The following ITIH4 variants were observed in gnomAD, a reference collection of about 807,000 sequenced individuals.
ITIH4 encodes the protein inter-alpha-trypsin inhibitor heavy chain H4.
ITIH4 carries 79 observed loss-of-function variants against 111.8 expected under a neutral mutation model. That is an observed-to-expected ratio of 0.71 (90% CI 0.59 to 0.85). ITIH4 has a LOEUF of 0.85. ITIH4 is among the 40% of genes least tolerant of loss of function. The pLI, the probability that ITIH4 is intolerant of heterozygous loss-of-function variation, is 0.00. For synonymous variants in ITIH4, 472 were observed against 468.3 expected (o/e 1.01, Z -0.10); for missense variants, 1,065 against 1,195.8 (o/e 0.89, Z 1.61).
intron 20 of ITIH4, 127 bp from the exon 21 acceptor site, chr3:52,817,185 G>A (rs1016233338): frequency 3.1e-5 from 22 of 715,860 alleles, no homozygotes; most frequent in Middle Eastern, 3.7e-4. Flanking sequence ...ATCAGGAGGG[G>A]TGCCCCTTTC....
Position 52,824,521 on chromosome 3 carries a change from T to C in ITIH4, c.921A>G (p.Arg307=). The change falls in exon 8 of 24, where the codon AGA becomes AGG. Residue 307 remains arginine (R), a synonymous_variant. Transcript: ENST00000266041. This position sits in a 1 kb window ranked among gnomAD's most constrained non-coding sequence, Gnocchi z 4.3. ...LIKILDDLSP[R]DQFNLIVFST... Reference sequence around the variant, plus strand: ...TGAAGACGATGAGGTTGAACTGGTCTCTGGGGCTGAGGTCATCCAGGATCT... The same window carrying C: ...TGAAGACGATGAGGTTGAACTGGTCCCTGGGGCTGAGGTCATCCAGGATCT... 3 of 1,614,052 alleles carry C rather than the reference T, an allele frequency of 1.9e-6. No individual in the cohort carries two copies. The highest frequency in any genetic ancestry group is 2.5e-6 in the Non-Finnish European group (3 of 1,180,024).
At chr3:52,827,987 GCGT>G (rs2154111713) in intron 2 of ITIH4, among the ~76,000 whole-genome samples, 1 of 152,184 alleles carries the variant, frequency 6.6e-6, no homozygotes, top group South Asian at 2.1e-4. Context: ...TCAGGACTAC[GCGT>G]CCCTCCTGCC....
rs1173699304 is a variant in ITIH4, at chr3:52,823,761, A to T, written c.1354-20T>A. The T allele has an allele frequency of 1.9e-6, 3 of 1,614,036 alleles. No homozygotes were observed. Among genetic ancestry groups the T allele is most frequent in the Non-Finnish European group, 2.5e-6 (3 of 1,179,944 alleles). ...GAAGTCCTGCAGGGTTGGGGGTGTC[A>T]TAAAGGCTGGGCTTTATGACTGCCC... On this transcript the variant is annotated intron_variant, in intron 10 of 23. Coordinates refer to ENST00000266041, the MANE Select transcript of ITIH4 (RefSeq NM_002218.5).
rs200406745 is a variant in ITIH4 at position 52,824,173 on chromosome 3, A to T, written c.1171+17T>A. The T allele has an allele frequency of 2.0e-4, 324 of 1,612,448 alleles. No individual in the cohort carries two copies. The highest frequency in any genetic ancestry group is 2.6e-4 in the Non-Finnish European group (310 of 1,179,454). ...CCCCTGTGCAGCACGTCCTGGAGTC[A>T]CGGGCAGGGCCCTCACCCACAGTGG... On this transcript the variant is annotated intron_variant, in intron 9 of 23. Transcript: ENST00000266041. This position sits in a 1 kb window ranked among gnomAD's most constrained non-coding sequence, Gnocchi z 4.3.
At position 52,830,537 on chromosome 3, in the gene ITIH4, C is replaced by A; in HGVS notation, c.90+16G>T. On this transcript the variant is annotated intron_variant, in intron 1 of 23. Transcript: ENST00000266041. Reference sequence around the variant, plus strand: ...CTCATCCCCCAGCTCACGCCACACCCATGGACACTGGCTACCTTTTCGGCA... The same window carrying A: ...CTCATCCCCCAGCTCACGCCACACCAATGGACACTGGCTACCTTTTCGGCA... 6.2e-7 allele frequency: 1 copy of A among 1,612,276 alleles called. No homozygotes were observed. Among genetic ancestry groups the A allele is most frequent in the South Asian group, 1.1e-5 (1 of 91,052 alleles).
intron 5 of ITIH4, 91 bp downstream of exon 5, chr3:52,826,450 G>A: frequency 1.1e-6 from 1 of 922,752 alleles, no homozygotes; most frequent in Non-Finnish European, 1.8e-6. Flanking sequence ...AGGAGGGAGA[G>A]CCCATCCTGC....
At chr3:52,820,885 C>G (rs556446616) in intron 12 of ITIH4, 100 bp from the exon 13 acceptor site, 88 of 1,548,698 alleles carry the variant, frequency 5.7e-5, no homozygotes, top group Non-Finnish European at 7.1e-5. Context: ...GAATCTGGAG[C>G]TTGGACATGA....
chr3:52,815,147 C>T (rs1408585040), intron 21 of ITIH4, among the ~76,000 whole-genome samples: 1 of 152,172 alleles, frequency 6.6e-6, no homozygotes, highest in African/African-American at 2.4e-5. Flanking sequence ...GAATAAGACC[C>T]TGCTGTTACT....
chr3:52,828,358 T>TG (rs1262519047), intron 2 of ITIH4, among the ~76,000 whole-genome samples: 2 of 151,668 alleles, frequency 1.3e-5, no homozygotes, highest in Non-Finnish European at 2.9e-5. Context: ...TGCGGTGGAG[T>TG]GGGGGATGCT....
At chr3:52,822,788 C>G (rs1447719295) in intron 11 of ITIH4, among the ~76,000 whole-genome samples, 1 of 152,188 alleles carries the variant, frequency 6.6e-6, no homozygotes, top group Non-Finnish European at 1.5e-5. Context: ...ACACGCTGCC[C>G]TCATGCCACA....
At chr3:52,821,973 C>T (rs1700389270) in intron 11 of ITIH4, among the ~76,000 whole-genome samples, 1 of 152,234 alleles carries the variant, frequency 6.6e-6, no homozygotes, top group African/African-American at 2.4e-5. Flanking sequence ...TCCACACATA[C>T]AGCTATTTAA....
intron 21 of ITIH4, among the ~76,000 whole-genome samples, chr3:52,816,616 C>T (rs1700281019): frequency 6.6e-6 from 1 of 152,110 alleles, no homozygotes; most frequent in Admixed American, 6.5e-5. Context: ...AGCTGCCTGC[C>T]CAGGGTCACA....
At chr3:52,829,025 T>C (rs1384449848) in intron 2 of ITIH4, 94 bp downstream of exon 2, 2 of 1,181,500 alleles carry the variant, frequency 1.7e-6, no homozygotes, top group African/African-American at 1.5e-5. Context: ...CACCCTGGCA[T>C]GCCTTACTTC....
At chr3:52,828,508 T>C (rs1365071166) in intron 2 of ITIH4, among the ~76,000 whole-genome samples, 1 of 152,196 alleles carries the variant, frequency 6.6e-6, no homozygotes, top group Admixed American at 6.5e-5. Flanking sequence ...AATCACAGCT[T>C]TTCCTGGCAG....
At position 52,814,004 on chromosome 3, in the gene ITIH4, C is replaced by T. The variant is rs1456975307; in HGVS notation, c.2694G>A (p.Arg898=). The change falls in exon 23 of 24, where the codon AGG becomes AGA. Residue 898 remains arginine (R), a synonymous_variant. Coordinates refer to ENST00000266041, the MANE Select transcript of ITIH4 (RefSeq NM_002218.5). The part of the protein sequence containing the change: ...AASDDGRRTL[R]VQGNDHSATR... ...TGGCAGAGTGGTCATTGCCCTGAACCCTCAGCGTGCGTCTGCCGTCATCTG... is the reference window on the plus strand; with the variant it reads ...TGGCAGAGTGGTCATTGCCCTGAACTCTCAGCGTGCGTCTGCCGTCATCTG... 13 of 1,613,566 alleles carry T rather than the reference C, an allele frequency of 8.1e-6. No homozygotes were observed. The highest frequency in any genetic ancestry group is 1.1e-5 in the Non-Finnish European group (13 of 1,179,908).
chr3:52,817,210 C>T (rs1474184031), intron 20 of ITIH4, 152 bp from the exon 21 acceptor site: 3 of 621,006 alleles, frequency 4.8e-6, no homozygotes, highest in Non-Finnish European at 2.8e-6. Context: ...CACTCCTTCA[C>T]ACTGGGGGCT....
chr3:52,826,596 GTGCTCT>G lies in ITIH4; in HGVS notation c.569_574del (p.Glu190_Thr192delinsAla). 6.2e-7 allele frequency: 1 copy of G among 1,614,130 alleles called. No individual in the cohort carries two copies. The highest frequency in any genetic ancestry group is 8.5e-7 in the Non-Finnish European group (1 of 1,180,026). ...GTCTACCAGCTGGTTGGTCATGAAG[GTGCTCT>G]CTGTCTCCAGAAAGCTGATGCCCTG... On this transcript the variant is annotated inframe_deletion, in exon 5 of 24. Transcript: ENST00000266041.
In ITIH4 at chr3:52,813,325, C is replaced by G; in HGVS notation, c.*96G>C. The G allele has an allele frequency of 9.3e-7, 1 of 1,075,558 alleles. No homozygotes were observed. The allele number at this position is 1,075,558 out of a possible 1,614,324, so 66.6% of individuals were successfully genotyped here. On this transcript the variant is annotated 3_prime_UTR_variant, in exon 24 of 24. Transcript: ENST00000266041. Reference sequence around the variant, plus strand: ...CTTTCTTTATTTGTAATGAGTGGGACTCTTCCTCCCCATGGTGGTCCAGGC... The same window carrying G: ...CTTTCTTTATTTGTAATGAGTGGGAGTCTTCCTCCCCATGGTGGTCCAGGC...
At chr3:52,830,113 A>T (rs1700544245) in intron 1 of ITIH4, 1 of 346,394 alleles carries the variant, frequency 2.9e-6, no homozygotes, top group Admixed American at 4.1e-5. Context: ...TGTCCTAAGC[A>T]CTTCATAGAT....
Sources: gnomAD v4.1 joint callset for allele counts (sites outside exome capture counted in the v4.1 genomes callset) on GRCh38, gnomAD v4.1.1 for gene constraint, Gnocchi (gnomAD v3.1) non-coding constraint, MANE v1.5 for transcripts, NCBI Gene and HGNC (gene_info 2026-07-23, HGNC 2026-07-21) for gene names.